SRGAP2C: variants seen among roughly 807,000 people sequenced by gnomAD.
The protein encoded by SRGAP2C is SLIT-ROBO Rho GTPase-activating protein 2C.
Under a neutral mutation model 25.1 loss-of-function variants are expected in SRGAP2C, and 15 were observed. The ratio of observed to expected loss-of-function variants is 0.60; its 90% CI spans 0.40 to 0.92. SRGAP2C has a LOEUF of 0.92. Ranked by LOEUF, SRGAP2C falls within the 40% of genes least tolerant of loss-of-function variation. The pLI, the probability that SRGAP2C is intolerant of heterozygous loss-of-function variation, is 0.00. For synonymous variants in SRGAP2C, 44 were observed against 96.6 expected (o/e 0.46, Z 3.19); for missense variants, 144 against 264.4 (o/e 0.54, Z 3.16).
At chr1:121,340,605 C>T (rs1390241734) in intron 4 of SRGAP2C, among the ~76,000 whole-genome samples, 1 of 147,218 alleles carries the variant, frequency 6.8e-6, no homozygotes, top group African/African-American at 2.5e-5. Flanking sequence ...ATTTAGATAG[C>T]AATGTAATGA....
At chr1:121,313,926 G>A (rs1658024500) in intron 3 of SRGAP2C, among the ~76,000 whole-genome samples, 1 of 142,172 alleles carries the variant, frequency 7.0e-6, no homozygotes, top group South Asian at 2.3e-4. Context: ...TTCTTCAGGA[G>A]TATCTTTGTG....
At chr1:121,218,577 TAAA>T (rs111467989) in intron 2 of SRGAP2C, among the ~76,000 whole-genome samples, 2 of 128,956 alleles carry the variant, frequency 1.6e-5, no homozygotes, top group Admixed American at 7.7e-5. Flanking sequence ...CCGTCTCTAC[TAAA>T]AAAAAAAAAA....
chr1:121,284,020 A>G (rs1657307266), intron 2 of SRGAP2C, among the ~76,000 whole-genome samples: 1 of 151,622 alleles, frequency 6.6e-6, no homozygotes, highest in African/African-American at 2.4e-5. Context: ...GAGGCACTAC[A>G]GCATCTATGA....
At chr1:121,270,926 G>A (rs1462143232) in intron 2 of SRGAP2C, among the ~76,000 whole-genome samples, 7 of 150,742 alleles carry the variant, frequency 4.6e-5, no homozygotes, top group Non-Finnish European at 1.0e-4. Flanking sequence ...CTGAGTAGCT[G>A]GGACTACAGG....
At chr1:121,255,338 A>G (rs1348268273) in intron 2 of SRGAP2C, among the ~76,000 whole-genome samples, 4 of 151,828 alleles carry the variant, frequency 2.6e-5, no homozygotes. Flanking sequence ...TTATGATTTC[A>G]GAATAAGTGC....
chr1:121,361,218 A>G (rs1397453753), intron 4 of SRGAP2C: 1 of 93,246 alleles, frequency 1.1e-5, no homozygotes, highest in Non-Finnish European at 2.3e-5. Flanking sequence ...CTAAATAACT[A>G]GAGAATCGGT....
chr1:121,285,077 T>C, intron 3 of SRGAP2C, 82 bp downstream of exon 3: 2 of 534,654 alleles, frequency 3.7e-6, no homozygotes, highest in South Asian at 6.4e-5. Context: ...GCCACTTAGA[T>C]CCAGCTGAAT....
chr1:121,310,374 T>G (rs1444522832), intron 3 of SRGAP2C, among the ~76,000 whole-genome samples: 2 of 135,316 alleles, frequency 1.5e-5, no homozygotes, highest in Non-Finnish European at 3.1e-5. Flanking sequence ...TGTTGTAGGT[T>G]GCCTGTTCAC....
At chr1:121,186,592 C>T (rs1654505934) in intron 1 of SRGAP2C, among the ~76,000 whole-genome samples, 1 of 151,628 alleles carries the variant, frequency 6.6e-6, no homozygotes, top group Non-Finnish European at 1.5e-5. Flanking sequence ...TCGGGCTGGC[C>T]GCTGCCCAGC....
At chr1:121,366,315 G>A (rs1240289149) in intron 5 of SRGAP2C, among the ~76,000 whole-genome samples, 3 of 126,672 alleles carry the variant, frequency 2.4e-5, no homozygotes, top group African/African-American at 8.9e-5. Flanking sequence ...CACAGAACAG[G>A]CAGTGATGAC....
intron 2 of SRGAP2C, among the ~76,000 whole-genome samples, chr1:121,193,667 C>CTTT (rs60707143): frequency 0.19 from 3,658 of 19,394 alleles, 499 homozygotes; most frequent in Non-Finnish European, 0.23. Context: ...GTTCTTTTTT[C>CTTT]TTTTTTTTTT....
intron 2 of SRGAP2C, among the ~76,000 whole-genome samples, chr1:121,208,293 A>T (rs1346317853): frequency 1.3e-5 from 2 of 152,072 alleles, no homozygotes; most frequent in African/African-American, 4.8e-5. Flanking sequence ...ACTTGAAATG[A>T]CGTGCCGTGT....
chr1:121,238,525 C>T lies in SRGAP2C; in HGVS notation c.68-46278C>T, dbSNP rs587607989. ...TATGATAAGAGCTATAGTGGTCTTG[C>T]CACATAATTTGCATTTGTATCTTAA... is the stretch of plus-strand genomic sequence containing the variant. On this transcript the variant is annotated intron_variant, in intron 2 of 9. Coordinates refer to ENST00000367123, the MANE Select transcript of SRGAP2C (RefSeq NM_001329984.2). Among the ~76,000 whole-genome samples the T allele has an allele frequency of 3.3e-5, 5 of 152,110 alleles. No individual in the cohort carries two copies. In the South Asian group the frequency reaches 6.2e-4, roughly 19 times the overall value.
chr1:121,249,578 ATATTTTT>A (rs1248039970), intron 2 of SRGAP2C, among the ~76,000 whole-genome samples: 476 of 23,032 alleles, frequency 0.021, 3 homozygotes, highest in Non-Finnish European at 0.027. Flanking sequence ...ATATATATAT[ATATTTTT>A]TTTTTTTTTT....
At chr1:121,362,141 C>T (rs1299201732) in intron 4 of SRGAP2C, 18 of 62,432 alleles carry the variant, frequency 2.9e-4, no homozygotes, top group East Asian at 2.0e-3. Flanking sequence ...GTGGCCAGCA[C>T]GGAAGCCCTT....
intron 2 of SRGAP2C, among the ~76,000 whole-genome samples, chr1:121,244,096 G>A (rs1448483477): frequency 2.6e-5 from 3 of 116,972 alleles, no homozygotes; most frequent in Admixed American, 1.7e-4. Flanking sequence ...AGACTGACTG[G>A]TGGAGATTAA....
At chr1:121,305,990 C>A (rs1320971301) in intron 3 of SRGAP2C, among the ~76,000 whole-genome samples, 1 of 152,206 alleles carries the variant, frequency 6.6e-6, no homozygotes, top group African/African-American at 2.4e-5. Context: ...GATAATCAAG[C>A]TAGGGCTGTT....
chr1:121,267,632 T>C (rs1185554619), intron 2 of SRGAP2C, among the ~76,000 whole-genome samples: 3 of 125,384 alleles, frequency 2.4e-5, no homozygotes, highest in African/African-American at 9.4e-5. Context: ...CTCAGGAGCT[T>C]TGTCTTCATA....
chr1:121,357,532 G>GT (rs1553347856), intron 4 of SRGAP2C, among the ~76,000 whole-genome samples: 4 of 151,790 alleles, frequency 2.6e-5, no homozygotes, highest in Admixed American at 1.3e-4. Flanking sequence ...TGGGAGTTTT[G>GT]TTTTTTTGTT....
Sources: allele counts gnomAD v4.1 joint callset (sites outside exome capture counted in the v4.1 genomes callset), GRCh38; gene constraint gnomAD v4.1.1; transcripts MANE v1.5; gene names NCBI Gene and HGNC (gene_info 2026-07-23, HGNC 2026-07-21).